The following MDGA2 variants were observed in gnomAD, a reference collection of about 807,000 sequenced individuals.
MDGA2 encodes the protein MAM domain containing glycosylphosphatidylinositol anchor 2.
In MDGA2, 40 loss-of-function variants were observed where a neutral mutation model predicts 117.8. The ratio of observed to expected loss-of-function variants is 0.34; its 90% CI spans 0.26 to 0.44. MDGA2 has a LOEUF of 0.44. Ranked by LOEUF, MDGA2 falls within the 20% of genes least tolerant of loss-of-function variation. The probability of loss-of-function intolerance (pLI) is 1.00; values close to 1 mark genes in which losing one functional copy is unlikely to be tolerated. For synonymous variants in MDGA2, 452 were observed against 439.0 expected (o/e 1.03, Z -0.37); for missense variants, 1,123 against 1,250.6 (o/e 0.90, Z 1.54).
chr14:47,577,755 A>C (rs1896142669), intron 1 of MDGA2, among the ~76,000 whole-genome samples: 1 of 152,344 alleles, frequency 6.6e-6, no homozygotes, highest in African/African-American at 2.4e-5. Flanking sequence ...GCGATTATTA[A>C]AAATTCAATA....
At chr14:47,559,874 A>C (rs1397334899) in intron 1 of MDGA2, among the ~76,000 whole-genome samples, 2 of 152,040 alleles carry the variant, frequency 1.3e-5, no homozygotes, top group Non-Finnish European at 2.9e-5. Context: ...TGCCCAGCCA[A>C]GTATTTTTAT....
chr14:47,171,157 G>A (rs190563961), intron 3 of MDGA2, among the ~76,000 whole-genome samples: 310 of 152,100 alleles, frequency 2.0e-3, no homozygotes, highest in African/African-American at 7.0e-3. Context: ...ATTTTTATTA[G>A]AAATATTATG....
intron 1 of MDGA2, among the ~76,000 whole-genome samples, chr14:47,599,176 CA>C (rs1896600241): frequency 6.6e-6 from 1 of 151,778 alleles, no homozygotes; most frequent in Non-Finnish European, 1.5e-5. Flanking sequence ...TCATTATGCA[CA>C]AAGAAGATAT....
intron 9 of MDGA2, among the ~76,000 whole-genome samples, chr14:46,948,253 C>G (rs976278539): frequency 7.2e-5 from 11 of 151,944 alleles, no homozygotes; most frequent in African/African-American, 2.7e-4. Context: ...TTCCATTTGT[C>G]TTCTTGCTTT....
chr14:46,963,419 C>G (rs1251455490), intron 8 of MDGA2, among the ~76,000 whole-genome samples: 1 of 152,204 alleles, frequency 6.6e-6, no homozygotes, highest in Non-Finnish European at 1.5e-5. Context: ...ACTTTATGGA[C>G]TCACCCTTGT....
chr14:47,173,718 A>G (rs1327126378), intron 3 of MDGA2, among the ~76,000 whole-genome samples: 1 of 152,104 alleles, frequency 6.6e-6, no homozygotes, highest in African/African-American at 2.4e-5. Context: ...AAGACCATCA[A>G]GACTAGGAAG....
chr14:47,058,767 T>C, intron 7 of MDGA2: 12 of 985,456 alleles, frequency 1.2e-5, no homozygotes, highest in Non-Finnish European at 1.4e-5. Flanking sequence ...TGTAATCATC[T>C]TCAGTAACTC....
At chr14:47,672,499 A>G (rs1898092802) in intron 1 of MDGA2, among the ~76,000 whole-genome samples, 1 of 152,202 alleles carries the variant, frequency 6.6e-6, no homozygotes, top group African/African-American at 2.4e-5. Context: ...CTGAATAACA[A>G]AAAGTGACAG....
intron 1 of MDGA2, among the ~76,000 whole-genome samples, chr14:47,583,268 C>A (rs555761208): frequency 6.6e-6 from 1 of 151,858 alleles, no homozygotes; most frequent in South Asian, 2.1e-4. Context: ...ACTGTATGGT[C>A]AGGAAGGACC....
At chr14:47,320,065 T>G (rs538086855) in intron 1 of MDGA2, among the ~76,000 whole-genome samples, 1 of 152,134 alleles carries the variant, frequency 6.6e-6, no homozygotes, top group Non-Finnish European at 1.5e-5. Context: ...GGGGAGAGGT[T>G]TGAAGCAGAT....
rs1435010947 is a variant in MDGA2, at chr14:46,957,581, T to C, written c.1882A>G (p.Met628Val). 2 of 1,614,148 alleles carry C rather than the reference T, an allele frequency of 1.2e-6. No individual in the cohort carries two copies. The highest frequency in any genetic ancestry group is 1.6e-4 in the Middle Eastern group (1 of 6,062). Residue 628 changes from methionine to valine, a missense_variant, in exon 9 of 17, where the codon ATG becomes GTG. Met to Val is a conservative substitution (Grantham distance 21). This residue lies in a region of MDGA2 where 890 missense variants were observed against 1,050.3 expected (regional missense o/e 0.85). Transcript: ENST00000399232. ...TAGGCTCTCAGTACTCTGCAACTCATAGTGACACTTCGATCCTGTCCTTGC... is the reference window on the plus strand; with the variant it reads ...TAGGCTCTCAGTACTCTGCAACTCACAGTGACACTTCGATCCTGTCCTTGC... ...IRQGQDRSVT[M>V]SCRVLRAYPI...
intron 4 of MDGA2, among the ~76,000 whole-genome samples, chr14:47,141,167 G>C (rs1018535519): frequency 7.9e-5 from 12 of 152,116 alleles, no homozygotes; most frequent in African/African-American, 2.4e-4. Flanking sequence ...TGGATGCAGA[G>C]AAAGAGGAAC....
At chr14:47,610,600 C>A (rs1375827534) in intron 1 of MDGA2, among the ~76,000 whole-genome samples, 1 of 151,494 alleles carries the variant, frequency 6.6e-6, no homozygotes, top group Non-Finnish European at 1.5e-5. Flanking sequence ...ACAACAACAA[C>A]AAAAACTTAG....
intron 1 of MDGA2, among the ~76,000 whole-genome samples, chr14:47,537,157 A>T (rs1192105831): frequency 6.6e-6 from 1 of 151,950 alleles, no homozygotes; most frequent in East Asian, 1.9e-4. Flanking sequence ...CAAACGTGCA[A>T]CCGTTACAAA....
chr14:47,639,714 C>A (rs867262255), intron 1 of MDGA2, among the ~76,000 whole-genome samples: 17 of 152,270 alleles, frequency 1.1e-4, no homozygotes, highest in Admixed American at 2.0e-4. Flanking sequence ...TCAGCTCCTA[C>A]CAGAGGCTGC....
intron 8 of MDGA2, among the ~76,000 whole-genome samples, chr14:46,992,459 T>G (rs956663611): frequency 2.0e-5 from 3 of 152,152 alleles, no homozygotes; most frequent in Non-Finnish European, 4.4e-5. Context: ...GGGACAATTA[T>G]TGGCAGCTCC....
intron 8 of MDGA2, among the ~76,000 whole-genome samples, chr14:47,015,789 G>A (rs1486801151): frequency 6.6e-6 from 1 of 152,002 alleles, no homozygotes; most frequent in African/African-American, 2.4e-5. Flanking sequence ...TTCCAAATAA[G>A]AAGTCTGAGA....
At chr14:47,571,610 T>C (rs147448700) in intron 1 of MDGA2, among the ~76,000 whole-genome samples, 2,198 of 152,230 alleles carry the variant, frequency 0.014, 48 homozygotes, top group African/African-American at 0.049. Context: ...TGCAGGGACA[T>C]GGATGAAGCT....
intron 1 of MDGA2, among the ~76,000 whole-genome samples, chr14:47,502,806 G>T (rs569996001): frequency 6.6e-6 from 1 of 152,158 alleles, no homozygotes; most frequent in East Asian, 1.9e-4. Flanking sequence ...CTCCCAAGCA[G>T]CTGGGAGTGC....
Sources: gnomAD v4.1 joint callset for allele counts (sites outside exome capture counted in the v4.1 genomes callset) on GRCh38, gnomAD v4.1.1 for gene constraint, gnomAD v4.1.1 regional missense constraint, MANE v1.5 for transcripts, NCBI Gene and HGNC (gene_info 2026-07-23, HGNC 2026-07-21) for gene names.